Variants in VPS13B observed in about 807,000 individuals in gnomAD.
VPS13B encodes the protein intermembrane lipid transfer protein VPS13B.
Under a neutral mutation model 426.4 loss-of-function variants are expected in VPS13B, and 285 were observed. The observed-to-expected ratio is 0.67, with a 90% CI of 0.61 to 0.74. VPS13B has a LOEUF of 0.74. VPS13B is among the 30% of genes least tolerant of loss of function. The pLI is 0.00. For synonymous variants in VPS13B, 1,676 were observed against 1,676.4 expected (o/e 1.00, Z 0.01); for missense variants, 4,537 against 4,782.6 (o/e 0.95, Z 1.51).
intron 35 of VPS13B, among the ~76,000 whole-genome samples, chr8:99,695,622 G>A (rs1339930512): frequency 8.5e-5 from 12 of 141,626 alleles, no homozygotes; most frequent in East Asian, 4.3e-4. Flanking sequence ...TGGGTGCAGC[G>A]CACCAGCATG....
chr8:99,229,646 G>A (rs1402336315), intron 17 of VPS13B, among the ~76,000 whole-genome samples: 1 of 152,102 alleles, frequency 6.6e-6, no homozygotes, highest in Non-Finnish European at 1.5e-5. Flanking sequence ...TGATATAAAG[G>A]ACCGTTACGG....
intron 16 of VPS13B, among the ~76,000 whole-genome samples, chr8:99,182,243 A>AT (rs1338094798): frequency 2.0e-5 from 3 of 152,330 alleles, no homozygotes; most frequent in Admixed American, 6.5e-5. Context: ...CAACAGAAAC[A>AT]TGGTATGATT....
chr8:99,053,516 C>G (rs1048309607), intron 3 of VPS13B, among the ~76,000 whole-genome samples: 1 of 152,032 alleles, frequency 6.6e-6, no homozygotes, highest in Non-Finnish European at 1.5e-5. Flanking sequence ...AGCCATCATT[C>G]TATTATACTT....
At chr8:99,464,176 G>A (rs1818983859) in intron 23 of VPS13B, among the ~76,000 whole-genome samples, 1 of 152,096 alleles carries the variant, frequency 6.6e-6, no homozygotes, top group Non-Finnish European at 1.5e-5. Context: ...AGTCATACTG[G>A]TTTTTTGAAT....
At chr8:99,840,257 G>T (rs1370070402) in intron 54 of VPS13B, among the ~76,000 whole-genome samples, 1 of 152,206 alleles carries the variant, frequency 6.6e-6, no homozygotes, top group African/African-American at 2.4e-5. Context: ...TGAACTTGTG[G>T]TCAACCACAT....
At chr8:99,375,028 A>G (rs978733565) in intron 19 of VPS13B, among the ~76,000 whole-genome samples, 1 of 152,140 alleles carries the variant, frequency 6.6e-6, no homozygotes, top group African/African-American at 2.4e-5. Context: ...ATTCGTATCT[A>G]TGGGCCTGCA....
rs776995646 is a variant in VPS13B at position 99,778,911 on chromosome 8, A to T, written c.7659A>T (p.Ala2553=). 2 of 1,613,906 alleles carry T rather than the reference A, an allele frequency of 1.2e-6. No homozygotes were observed. Among genetic ancestry groups the T allele is most frequent in the African/African-American group, 2.7e-5 (2 of 74,932 alleles). ...CCTTCAGCATCTTCGGGCAGATGGC[A>T]GTTTCCAGCGATGTAGTGGAAAAGC... ...VKPFSIFGQM[A]VSSDVVEKLL... The change falls in exon 42 of 62, where the codon GCA becomes GCT. Residue 2553 remains alanine, a synonymous_variant. Transcript: ENST00000357162.
At chr8:99,867,286 C>T (rs1186671689) in intron 58 of VPS13B, among the ~76,000 whole-genome samples, 2 of 152,216 alleles carry the variant, frequency 1.3e-5, no homozygotes, top group East Asian at 1.9e-4. Flanking sequence ...TTTTCTAGCT[C>T]TCACTGTTGG....
At chr8:99,014,692 C>CA (rs574786628) in intron 2 of VPS13B, among the ~76,000 whole-genome samples, 3,890 of 61,220 alleles carry the variant, frequency 0.064, 139 homozygotes, top group Middle Eastern at 0.16. Flanking sequence ...GAAAAAAAGA[C>CA]AAAAAAAAAA....
chr8:99,679,059 C>A (rs573617546), intron 35 of VPS13B, among the ~76,000 whole-genome samples: 1 of 152,216 alleles, frequency 6.6e-6, no homozygotes, highest in East Asian at 1.9e-4. Context: ...CACCCTTTTT[C>A]TTTGCCCACT....
At chr8:99,292,739 G>T (rs890130960) in intron 19 of VPS13B, among the ~76,000 whole-genome samples, 4 of 151,888 alleles carry the variant, frequency 2.6e-5, no homozygotes, top group African/African-American at 9.7e-5. Flanking sequence ...GAATCTAAAA[G>T]GGGCACACAA....
intron 25 of VPS13B, among the ~76,000 whole-genome samples, chr8:99,495,386 T>G (rs1820831118): frequency 6.6e-6 from 1 of 152,240 alleles, no homozygotes; most frequent in Non-Finnish European, 1.5e-5. Flanking sequence ...ATAATTATTT[T>G]CTTTTATTTT....
intron 21 of VPS13B, among the ~76,000 whole-genome samples, chr8:99,409,973 A>G (rs1199402227): frequency 6.6e-6 from 1 of 152,144 alleles, no homozygotes; most frequent in Admixed American, 6.6e-5. Flanking sequence ...GAGCTAAGCT[A>G]TGGGTATGCA....
Position 99,720,337 on chromosome 8 carries a change from T to C in VPS13B, c.6658-8T>C, listed in dbSNP as rs1448547844. The C allele has an allele frequency of 2.1e-5, 34 of 1,611,004 alleles. No homozygotes were observed. Among genetic ancestry groups the C allele is most frequent in the Non-Finnish European group, 2.6e-5 (31 of 1,179,114 alleles). On this transcript the variant is annotated splice_polypyrimidine_tract_variant and splice_region_variant and intron_variant, in intron 37 of 61. Coordinates refer to ENST00000357162, the MANE Select transcript of VPS13B (RefSeq NM_152564.5). Reference sequence around the variant, plus strand: ...AAAAGCTACTAGAATTTTTTTATGATTTTAAAGGTCTTCTGGGGTCAAGAA... The same window carrying C: ...AAAAGCTACTAGAATTTTTTTATGACTTTAAAGGTCTTCTGGGGTCAAGAA...
chr8:99,245,873 G>A (rs905373692), intron 17 of VPS13B, among the ~76,000 whole-genome samples: 10 of 152,116 alleles, frequency 6.6e-5, no homozygotes, highest in African/African-American at 2.2e-4. Flanking sequence ...TAGACAAAGC[G>A]GTATGATTAT....
chr8:99,054,105 T>C (rs1843709936), intron 3 of VPS13B, among the ~76,000 whole-genome samples: 2 of 152,248 alleles, frequency 1.3e-5, no homozygotes, highest in African/African-American at 4.8e-5. Context: ...CTTTCATCTT[T>C]TGGTTATTGA....
rs377249995 is a variant in VPS13B, at chr8:99,688,996, T to A, written c.6047-10529T>A. Among the ~76,000 whole-genome samples the A allele has an allele frequency of 2.0e-5, 3 of 152,068 alleles. No homozygotes were observed. In the East Asian group the frequency reaches 5.8e-4, roughly 29 times the overall value. ...GAGAATAACTTGTAAATAGTTATCT[T>A]TGTAACTTAAATGACCTTGGGATAG... On this transcript the variant is annotated intron_variant, in intron 35 of 61. Coordinates refer to ENST00000357162, the MANE Select transcript of VPS13B (RefSeq NM_152564.5).
chr8:99,632,276 CT>C (rs2133913143), intron 33 of VPS13B, among the ~76,000 whole-genome samples: 1 of 152,036 alleles, frequency 6.6e-6, no homozygotes, highest in South Asian at 2.1e-4. Context: ...TGGATTACTA[CT>C]TTAATGTTTG....
intron 17 of VPS13B, among the ~76,000 whole-genome samples, chr8:99,243,478 CT>C (rs201090166): frequency 8.1e-5 from 12 of 147,632 alleles, no homozygotes; most frequent in Non-Finnish European, 7.5e-5. Flanking sequence ...TAATAGTTGA[CT>C]TTTTTTTTTA....
Sources: allele counts gnomAD v4.1 joint callset (sites outside exome capture counted in the v4.1 genomes callset), GRCh38; gene constraint gnomAD v4.1.1; transcripts MANE v1.5; gene names NCBI Gene and HGNC (gene_info 2026-07-23, HGNC 2026-07-21).